Variants in TSKU observed in about 807,000 individuals in gnomAD.
TSKU encodes tsukushi.
A neutral mutation model predicts 11.2 loss-of-function variants in TSKU; 4 were observed. The observed-to-expected ratio is 0.36, with a 90% CI of 0.18 to 0.82. TSKU has a LOEUF of 0.82. TSKU is among the 40% of genes least tolerant of loss of function. TSKU has a pLI of 0.50. For synonymous variants in TSKU, 220 were observed against 232.2 expected, an observed-to-expected ratio of 0.95 and a Z score of 0.48; for missense variants, 407 against 482.5, an observed-to-expected ratio of 0.84 and a Z score of 1.47.
In TSKU at chr11:76,796,965, A is replaced by G. The variant is rs772614490; in HGVS notation, c.*287A>G. 8.0e-5 allele frequency: 20 copies of G among 249,268 alleles called. No individual in the cohort carries two copies. The highest frequency in any genetic ancestry group is 1.4e-4 in the Non-Finnish European group (17 of 121,522). 15.4% of individuals were successfully genotyped at this position (249,268 alleles called of 1,614,324 possible). A position where few individuals can be genotyped will look rare whatever the true frequency, so the allele number is the denominator to read the frequency against. Reference sequence around the variant, plus strand: ...GCTTCCCTTCCCCACTTATCCCCCAAGTGCCTTCCCTCATGCCTGGGCCGG... The same window carrying G: ...GCTTCCCTTCCCCACTTATCCCCCAGGTGCCTTCCCTCATGCCTGGGCCGG... On this transcript the variant is annotated 3_prime_UTR_variant, in exon 2 of 2. Transcript: ENST00000333090. The surrounding 1 kb of genome is among the most constrained non-coding windows in gnomAD (Gnocchi z 4.1).
rs1385753400 is a variant in TSKU at position 76,783,420 on chromosome 11, C to T, written c.-9+16C>T. ...AGGCTTCCAGGTGAGTGCAGTTCCC[C>T]GGGCGGGGCGAGAGTCCGCGCTGCG... On this transcript the variant is annotated intron_variant, in intron 1 of 1. Transcript: ENST00000333090. The T allele has an allele frequency of 1.3e-5, 2 of 152,042 alleles. No homozygotes were observed. The highest frequency in any genetic ancestry group is 2.9e-5 in the Non-Finnish European group (2 of 68,014). The allele number at this position is 152,042 out of a possible 1,614,324, so 9.4% of individuals were successfully genotyped here. A position where few individuals can be genotyped will look rare whatever the true frequency, so the allele number is the denominator to read the frequency against.
rs575466087 is a variant in TSKU, at chr11:76,785,301, G to C, written c.-9+1897G>C. ...ATCATAACTCCTGGGTCAACACAGG[G>C]GATGCAGTTAAGAGTTCATGCTTCA... On this transcript the variant is annotated intron_variant, in intron 1 of 1. Coordinates refer to ENST00000333090, the MANE Select transcript of TSKU (RefSeq NM_015516.4). 4.6e-5 allele frequency among the ~76,000 whole-genome samples: 7 copies of C among 152,348 alleles called. No homozygotes were observed. The South Asian group carries it at 1.0e-3, about 23-fold the overall frequency.
In TSKU at chr11:76,796,165, G is replaced by A. The variant is rs747455352; in HGVS notation, c.549G>A (p.Ala183=). 1.9e-6 allele frequency: 3 copies of A among 1,613,248 alleles called. No homozygotes were observed. Among genetic ancestry groups the A allele is most frequent in the Admixed American group, 1.7e-5 (1 of 59,982 alleles). The change falls in exon 2 of 2, where the codon GCG becomes GCA. Residue 183 remains alanine (A), a synonymous_variant. Coordinates refer to ENST00000333090, the MANE Select transcript of TSKU (RefSeq NM_015516.4). The surrounding 1 kb of genome is among the most constrained non-coding windows in gnomAD (Gnocchi z 4.1). The stretch of plus-strand genomic sequence containing the variant: ...ACCCCACGAGGGCCGGCCTGCCTGC[G>A]CCCACCATTCAGAGCCTGAACCTGG... ...VPHPTRAGLP[A]PTIQSLNLAW...
At chr11:76,788,028 C>T (rs1944328522) in intron 1 of TSKU, among the ~76,000 whole-genome samples, 1 of 152,200 alleles carries the variant, frequency 6.6e-6, no homozygotes, top group Non-Finnish European at 1.5e-5. Context: ...AGAGCTGGCC[C>T]TCAGGGCTCC....
chr11:76,786,093 C>T (rs1944309750), intron 1 of TSKU, among the ~76,000 whole-genome samples: 1 of 152,248 alleles, frequency 6.6e-6, no homozygotes, highest in Admixed American at 6.5e-5. Flanking sequence ...AACCTGATCT[C>T]ACCAGCGGGC....
In TSKU at chr11:76,796,298, C is replaced by A. The variant is rs544209964; in HGVS notation, c.682C>A (p.Leu228Met). 3 of 1,613,334 alleles carry A rather than the reference C, an allele frequency of 1.9e-6. No homozygotes were observed. The highest frequency in any genetic ancestry group is 1.6e-4 in the Middle Eastern group (1 of 6,062). ...CATTGGTCCGGGTGCCTTCGCGGGGCTGGGAGGCCTTACACACCTGTCTCT... is the reference window on the plus strand; with the variant it reads ...CATTGGTCCGGGTGCCTTCGCGGGGATGGGAGGCCTTACACACCTGTCTCT... Reference protein sequence around the residue: ...AVIGPGAFAGLGGLTHLSLAS... With the variant: ...AVIGPGAFAGMGGLTHLSLAS... Residue 228 changes from leucine (L) to methionine (M), a missense_variant, in exon 2 of 2, where the codon CTG (leucine) becomes ATG (methionine). Leu to Met is a conservative substitution (Grantham distance 15, BLOSUM62 2). Coordinates refer to ENST00000333090, the MANE Select transcript of TSKU (RefSeq NM_015516.4). The surrounding 1 kb of genome is among the most constrained non-coding windows in gnomAD (Gnocchi z 4.1).
intron 1 of TSKU, among the ~76,000 whole-genome samples, chr11:76,794,415 G>T (rs1158640638): frequency 6.6e-6 from 1 of 152,200 alleles, no homozygotes; most frequent in East Asian, 1.9e-4. Flanking sequence ...CACAGCATGT[G>T]TCAGTGGGAA....
At chr11:76,785,685 A>AG (rs755050636) in intron 1 of TSKU, among the ~76,000 whole-genome samples, 4 of 152,168 alleles carry the variant, frequency 2.6e-5, no homozygotes, top group Non-Finnish European at 5.9e-5. Context: ...CAGGCCGAGA[A>AG]GGGGGATTTG....
intron 1 of TSKU, among the ~76,000 whole-genome samples, chr11:76,784,986 C>T (rs1944297550): frequency 6.6e-6 from 1 of 152,222 alleles, no homozygotes; most frequent in Non-Finnish European, 1.5e-5. Flanking sequence ...GTATTGATAG[C>T]CTCTTCTGTT....
Position 76,796,675 on chromosome 11 carries a change from G to C in TSKU, c.1059G>C (p.Leu353Phe). ...RDSAARGPTIL is the reference protein window; with the variant it reads ...RDSAARGPTIF ...CTGCTGCCAGGGGCCCCACCATCTT[G>C]TGACAAATGGTGTGGCCCAGGGCCA... Residue 353 changes from leucine (L) to phenylalanine (F), a missense_variant, in exon 2 of 2, where the codon TTG becomes TTC. Transcript: ENST00000333090. The surrounding 1 kb of genome is among the most constrained non-coding windows in gnomAD (Gnocchi z 4.1). 2.1e-6 allele frequency: 3 copies of C among 1,448,952 alleles called. No homozygotes were observed. The highest frequency in any genetic ancestry group is 2.7e-6 in the Non-Finnish European group (3 of 1,097,150). The allele number at this position is 1,448,952 out of a possible 1,614,324, so 89.8% of individuals were successfully genotyped here. A position where few individuals can be genotyped will look rare whatever the true frequency, so the allele number is the denominator to read the frequency against.
At chr11:76,794,375 T>C (rs1258752458) in intron 1 of TSKU, among the ~76,000 whole-genome samples, 1 of 152,168 alleles carries the variant, frequency 6.6e-6, no homozygotes, top group Non-Finnish European at 1.5e-5. Context: ...CAGAGGGAAC[T>C]GAGATCTGAG....
intron 1 of TSKU, among the ~76,000 whole-genome samples, chr11:76,786,150 A>T (rs1226522446): frequency 6.6e-6 from 1 of 152,228 alleles, no homozygotes. Flanking sequence ...TATGTTCCCC[A>T]CAAAGCAGAA....
In TSKU at chr11:76,795,605, C is replaced by G. The variant is rs570965762; in HGVS notation, c.-8-4C>G. 1 of 1,606,140 alleles carries G rather than the reference C, an allele frequency of 6.2e-7. No individual in the cohort carries two copies. The highest frequency in any genetic ancestry group is 1.1e-5 in the South Asian group (1 of 90,886). On this transcript the variant is annotated splice_region_variant and splice_polypyrimidine_tract_variant and intron_variant, in intron 1 of 1. Transcript: ENST00000333090. Reference sequence around the variant, plus strand: ...TCATTCCTCACCTGTGGCTCTCTTTCTAGCCCCCACCATGCCGTGGCCCCT... The same window carrying G: ...TCATTCCTCACCTGTGGCTCTCTTTGTAGCCCCCACCATGCCGTGGCCCCT...
intron 1 of TSKU, among the ~76,000 whole-genome samples, chr11:76,794,726 A>T (rs1426082023): frequency 6.6e-6 from 1 of 152,088 alleles, no homozygotes; most frequent in African/African-American, 2.4e-5. Context: ...TGTCCCCAAA[A>T]CCCATCTGGG....
Position 76,796,699 on chromosome 11 carries a change from C to T in TSKU, c.*21C>T. On this transcript the variant is annotated 3_prime_UTR_variant, in exon 2 of 2. Coordinates refer to ENST00000333090, the MANE Select transcript of TSKU (RefSeq NM_015516.4). This position sits in a 1 kb window ranked among gnomAD's most constrained non-coding sequence, Gnocchi z 4.1. ...TGTGACAAATGGTGTGGCCCAGGGC[C>T]ACATAACAGACTGCTGTCCTGGGCT... 14 of 1,437,120 alleles carry T rather than the reference C, an allele frequency of 9.7e-6. No homozygotes were observed. The highest frequency in any genetic ancestry group is 1.3e-5 in the Non-Finnish European group (14 of 1,089,104). 89.0% of individuals were successfully genotyped at this position (1,437,120 alleles called of 1,614,324 possible). A position where few individuals can be genotyped will look rare whatever the true frequency, so the allele number is the denominator to read the frequency against.
chr11:76,794,548 A>G (rs1369811568), intron 1 of TSKU, among the ~76,000 whole-genome samples: 1 of 152,218 alleles, frequency 6.6e-6, no homozygotes, highest in Non-Finnish European at 1.5e-5. Flanking sequence ...GCATTTTACT[A>G]GTTTGGGGTA....
chr11:76,783,277 G>A (rs1031655151), upstream of TSKU: 16 of 150,408 alleles, frequency 1.1e-4, no homozygotes, highest in African/African-American at 2.4e-4. Flanking sequence ...CGCCCGGCAG[G>A]GGGGAGCCTG....
chr11:76,790,516 GT>G (rs1168870943), intron 1 of TSKU, among the ~76,000 whole-genome samples: 1 of 137,670 alleles, frequency 7.3e-6, no homozygotes, highest in Non-Finnish European at 1.5e-5. Context: ...TTCTGATATG[GT>G]TTGGCTGTGC....
At chr11:76,789,126 C>T (rs983737027) in intron 1 of TSKU, among the ~76,000 whole-genome samples, 1 of 152,332 alleles carries the variant, frequency 6.6e-6, no homozygotes, top group Middle Eastern at 3.4e-3. Context: ...CCCCAGTTGC[C>T]CATGATCCCC....
Sources: gnomAD v4.1 joint callset for allele counts (sites outside exome capture counted in the v4.1 genomes callset) on GRCh38, gnomAD v4.1.1 for gene constraint, Gnocchi (gnomAD v3.1) non-coding constraint, MANE v1.5 for transcripts, NCBI Gene and HGNC (gene_info 2026-07-23, HGNC 2026-07-21) for gene names.